Variants in ADAMTS16 observed in about 807,000 individuals in gnomAD.
ADAMTS16 encodes the protein A disintegrin and metalloproteinase with thrombospondin motifs 16.
Under a neutral mutation model 145.8 loss-of-function variants are expected in ADAMTS16, and 94 were observed. That is an observed-to-expected ratio of 0.64 (90% CI 0.55 to 0.77). The LOEUF (loss-of-function observed/expected upper bound fraction) is 0.77. Ranked by LOEUF, ADAMTS16 falls within the 30% of genes least tolerant of loss-of-function variation. The pLI, the probability that ADAMTS16 is intolerant of heterozygous loss-of-function variation, is 0.00. For synonymous variants in ADAMTS16, 659 were observed against 604.3 expected (o/e 1.09, Z -1.33); for missense variants, 1,585 against 1,591.5 (o/e 1.00, Z 0.07).
At position 5,283,012 on chromosome 5, in the gene ADAMTS16, C is replaced by A. The variant is rs146102785; in HGVS notation, c.2789+20229C>A. 7.2e-3 allele frequency among the ~76,000 whole-genome samples: 1,096 copies of A among 151,500 alleles called. 18 individuals carry two copies. Among genetic ancestry groups the A allele is most frequent in the African/African-American group, 0.025 (1,025 of 41,348 alleles). On this transcript the variant is annotated intron_variant, in intron 18 of 22. Coordinates refer to ENST00000274181, the MANE Select transcript of ADAMTS16 (RefSeq NM_139056.4). ...TAAAACATTCATTGTGTAATCAGAT[C>A]CTAAAATTTTATATTTTTACATTTT...
chr5:5,240,052 A>T, intron 16 of ADAMTS16, 127 bp downstream of exon 16: 1 of 1,416,730 alleles, frequency 7.1e-7, no homozygotes, highest in Non-Finnish European at 9.5e-7. Flanking sequence ...ATCCATCCAT[A>T]GCCGGAATGA....
rs1054505831 is a variant in ADAMTS16, at chr5:5,206,545, T to C, written c.1452-2548T>C. ...CCCGGACTGGAGTGCAGTGGTATGATCTCGGCTCACTGTGACCTCTGCCTT... is the reference window on the plus strand; with the variant it reads ...CCCGGACTGGAGTGCAGTGGTATGACCTCGGCTCACTGTGACCTCTGCCTT... On this transcript the variant is annotated intron_variant, in intron 9 of 22. Coordinates refer to ENST00000274181, the MANE Select transcript of ADAMTS16 (RefSeq NM_139056.4). Among the ~76,000 whole-genome samples, 28 of 150,638 alleles carry C rather than the reference T, an allele frequency of 1.9e-4. 1 individual carries two copies. Among genetic ancestry groups the C allele is most frequent in the African/African-American group, 6.3e-4 (26 of 41,130 alleles).
intron 3 of ADAMTS16, among the ~76,000 whole-genome samples, chr5:5,166,420 G>A (rs1734883668): frequency 6.6e-6 from 1 of 152,170 alleles, no homozygotes; most frequent in African/African-American, 2.4e-5. Context: ...TCTAATATGA[G>A]CTGCACCTTT....
At chr5:5,291,017 C>A (rs1739291402) in intron 18 of ADAMTS16, among the ~76,000 whole-genome samples, 1 of 152,180 alleles carries the variant, frequency 6.6e-6, no homozygotes, top group Admixed American at 6.5e-5. Flanking sequence ...TTTCTGCATT[C>A]TTTCAACCTC....
In ADAMTS16 at chr5:5,151,126, C is replaced by T. The variant is rs371927068; in HGVS notation, c.501+4671C>T. Among the ~76,000 whole-genome samples, 171 of 152,034 alleles carry T rather than the reference C, an allele frequency of 1.1e-3. 2 individuals are homozygous for T. The Middle Eastern group carries it at 0.017, about 15-fold the overall frequency. ...TTGTGTGTACTGTACTTTTCAATTC[C>T]AAAATTTTTATTTCTTTCTTTTAAA... is the stretch of plus-strand genomic sequence containing the variant. On this transcript the variant is annotated intron_variant, in intron 3 of 22. Transcript: ENST00000274181.
chr5:5,304,221 A>C (rs1739924026), intron 20 of ADAMTS16, among the ~76,000 whole-genome samples: 1 of 152,108 alleles, frequency 6.6e-6, no homozygotes. Flanking sequence ...CAGCTGTTCT[A>C]TTTGCGAAAG....
At chr5:5,314,001 C>G (rs893188464) in intron 21 of ADAMTS16, among the ~76,000 whole-genome samples, 3 of 152,196 alleles carry the variant, frequency 2.0e-5, no homozygotes, top group Admixed American at 6.5e-5. Context: ...ATGCACACCT[C>G]CTGGGTTTGA....
chr5:5,274,573 C>T (rs1403346152), intron 18 of ADAMTS16, among the ~76,000 whole-genome samples: 1 of 152,090 alleles, frequency 6.6e-6, no homozygotes, highest in African/African-American at 2.4e-5. Context: ...TGTCTGGATG[C>T]ACCAGGTTTA....
intron 18 of ADAMTS16, among the ~76,000 whole-genome samples, chr5:5,265,927 C>G (rs1738222715): frequency 6.6e-6 from 1 of 151,778 alleles, no homozygotes; most frequent in South Asian, 2.1e-4. Flanking sequence ...TGTGATTCCT[C>G]AAGGCACCGA....
intron 10 of ADAMTS16, among the ~76,000 whole-genome samples, chr5:5,217,864 C>T (rs894706151): frequency 2.0e-5 from 3 of 152,190 alleles, no homozygotes; most frequent in Non-Finnish European, 4.4e-5. Flanking sequence ...TCATCGTGTA[C>T]CTATCATGCT....
At chr5:5,162,749 A>G (rs1579280973) in intron 3 of ADAMTS16, among the ~76,000 whole-genome samples, 1 of 115,756 alleles carries the variant, frequency 8.6e-6, no homozygotes, top group Admixed American at 8.1e-5. Context: ...AGAGAGGAGA[A>G]GAGAAGAGAA....
chr5:5,222,466 G>T (rs558252608), intron 10 of ADAMTS16, among the ~76,000 whole-genome samples: 15 of 152,082 alleles, frequency 9.9e-5, no homozygotes, highest in African/African-American at 3.4e-4. Flanking sequence ...ATTAAGTTTA[G>T]TTTTTTTATT....
rs1359954615 is a variant in ADAMTS16 at position 5,239,709 on chromosome 5, T to C, written c.2307T>C (p.Ser769=). The C allele has an allele frequency of 6.2e-7, 1 of 1,614,220 alleles. No individual in the cohort carries two copies. The part of the protein sequence containing the change: ...NQYYHMVTIP[S]GARSIRIYEM... ...ATTATCACATGGTCACCATTCCTTC[T>C]GGAGCCCGGAGTATCCGCATCTATG... is the stretch of plus-strand genomic sequence containing the variant. The change falls in exon 16 of 23, where the codon TCT becomes TCC. Residue 769 remains serine (S), a synonymous_variant. Transcript: ENST00000274181.
intron 3 of ADAMTS16, among the ~76,000 whole-genome samples, chr5:5,173,535 G>A (rs571433144): frequency 5.3e-5 from 8 of 151,460 alleles, no homozygotes; most frequent in East Asian, 3.9e-4. Context: ...GTGCAGTGGC[G>A]TGATCTCGGC....
intron 9 of ADAMTS16, among the ~76,000 whole-genome samples, chr5:5,203,875 C>T (rs918303655): frequency 6.6e-6 from 1 of 152,070 alleles, no homozygotes; most frequent in African/African-American, 2.4e-5. Context: ...GGAGTGTAAG[C>T]GGCGCCGTAC....
At chr5:5,147,262 A>G (rs965862541) in intron 3 of ADAMTS16, among the ~76,000 whole-genome samples, 4 of 152,190 alleles carry the variant, frequency 2.6e-5, no homozygotes, top group Admixed American at 6.5e-5. Flanking sequence ...TGTGACTTAG[A>G]CAGCAGAGTG....
intron 3 of ADAMTS16, among the ~76,000 whole-genome samples, chr5:5,157,912 A>G (rs1196361402): frequency 6.6e-6 from 1 of 152,226 alleles, no homozygotes; most frequent in Non-Finnish European, 1.5e-5. Context: ...AGGGGCCTGC[A>G]CCAACTTTTT....
intron 17 of ADAMTS16, among the ~76,000 whole-genome samples, chr5:5,255,894 AT>A (rs1226177479): frequency 1.3e-5 from 2 of 152,064 alleles, no homozygotes; most frequent in African/African-American, 4.8e-5. Context: ...TGGTTCACTT[AT>A]TTTTATTCTT....
intron 7 of ADAMTS16, among the ~76,000 whole-genome samples, chr5:5,190,411 C>T (rs1049979326): frequency 3.3e-5 from 5 of 152,134 alleles, no homozygotes; most frequent in Admixed American, 2.6e-4. Flanking sequence ...TCTTCTACTG[C>T]TTGTGCCAAT....
Sources: allele counts gnomAD v4.1 joint callset (sites outside exome capture counted in the v4.1 genomes callset), GRCh38; gene constraint gnomAD v4.1.1; transcripts MANE v1.5; gene names NCBI Gene and HGNC (gene_info 2026-07-23, HGNC 2026-07-21).